Variants in ULK4 observed in about 807,000 individuals in gnomAD.
The protein encoded by ULK4 is inactive serine/threonine-protein kinase ULK4.
ULK4 carries 133 observed loss-of-function variants against 160.6 expected under a neutral mutation model. The ratio of observed to expected loss-of-function variants is 0.83; its 90% CI spans 0.72 to 0.96. The LOEUF (loss-of-function observed/expected upper bound fraction) is 0.96. ULK4 is among the 40% of genes least tolerant of loss of function. The pLI is 0.00. For synonymous variants in ULK4, 534 were observed against 539.8 expected, an observed-to-expected ratio of 0.99 and a Z score of 0.15; for missense variants, 1,580 against 1,499.5, an observed-to-expected ratio of 1.05 and a Z score of -0.89.
intron 22 of ULK4, among the ~76,000 whole-genome samples, chr3:41,752,488 C>A (rs1407211784): frequency 6.6e-6 from 1 of 152,070 alleles, no homozygotes; most frequent in Non-Finnish European, 1.5e-5. Flanking sequence ...CCAGTGATCC[C>A]TAAAAGATGA....
At chr3:41,901,172 C>CTTTTTT (rs201425733) in intron 12 of ULK4, among the ~76,000 whole-genome samples, 11 of 119,914 alleles carry the variant, frequency 9.2e-5, no homozygotes, top group East Asian at 8.9e-4. Context: ...AGCATGGCTT[C>CTTTTTT]TTTTTTTTTT....
At chr3:41,590,867 T>C (rs2031251220) in intron 31 of ULK4, among the ~76,000 whole-genome samples, 1 of 151,470 alleles carries the variant, frequency 6.6e-6, no homozygotes, top group Non-Finnish European at 1.5e-5. Flanking sequence ...TACATGTAAT[T>C]GAGGATAAAA....
At chr3:41,514,109 T>C (rs866078363) in intron 32 of ULK4, among the ~76,000 whole-genome samples, 1 of 152,234 alleles carries the variant, frequency 6.6e-6, no homozygotes, top group Non-Finnish European at 1.5e-5. Flanking sequence ...AAAATTATTT[T>C]TAATGGATTG....
intron 35 of ULK4, among the ~76,000 whole-genome samples, chr3:41,355,899 AAG>A (rs1342277178): frequency 3.3e-5 from 5 of 152,230 alleles, no homozygotes; most frequent in African/African-American, 1.2e-4. Context: ...GCTAAAGTGA[AAG>A]AGCTAGCTTA....
At chr3:41,440,902 T>C (rs1374924018) in intron 34 of ULK4, among the ~76,000 whole-genome samples, 2 of 152,108 alleles carry the variant, frequency 1.3e-5, no homozygotes, top group Non-Finnish European at 2.9e-5. Context: ...TTCCATTTCA[T>C]CTAAGTTCTT....
intron 30 of ULK4, among the ~76,000 whole-genome samples, chr3:41,617,234 CA>C (rs1462722498): frequency 1.3e-5 from 2 of 152,212 alleles, no homozygotes; most frequent in African/African-American, 4.8e-5. Flanking sequence ...ATGCTCTTGA[CA>C]AGACGGATTC....
rs566805860 is a variant in ULK4, at chr3:41,901,479, CT to C, written c.1183-651del. 3.5e-4 allele frequency among the ~76,000 whole-genome samples: 8 copies of C among 22,546 alleles called. 1 individual carries two copies. Among genetic ancestry groups the C allele is most frequent in the African/African-American group, 4.3e-4 (6 of 13,904 alleles). The allele number at this position is 22,546 out of a possible 152,430, so 14.8% of individuals were successfully genotyped here. A position where few individuals can be genotyped will look rare whatever the true frequency, so the allele number is the denominator to read the frequency against. On this transcript the variant is annotated intron_variant, in intron 12 of 36. Coordinates refer to ENST00000301831, the MANE Select transcript of ULK4 (RefSeq NM_017886.4). ...ACAGGCGTGAGCCACCACGCCCAGC[CT>C]TTTTTTTTTTTTTTTTTTGAGATAG...
chr3:41,781,026 G>C (rs73071337), intron 21 of ULK4, among the ~76,000 whole-genome samples: 18,820 of 151,876 alleles, frequency 0.12, 1,342 homozygotes, highest in Middle Eastern at 0.27. Flanking sequence ...GGCAGAAAGA[G>C]AGATTTATAG....
chr3:41,413,605 TA>T (rs2082457701), intron 34 of ULK4, among the ~76,000 whole-genome samples: 1 of 152,182 alleles, frequency 6.6e-6, no homozygotes, highest in Non-Finnish European at 1.5e-5. Flanking sequence ...TTCAAACCCT[TA>T]ACCAGAAAAT....
intron 20 of ULK4, 111 bp from the exon 21 acceptor site, chr3:41,789,954 T>G: frequency 1.0e-6 from 1 of 966,236 alleles, no homozygotes; most frequent in South Asian, 3.5e-5. Context: ...TACTTGGCTC[T>G]TTTATTACTT....
chr3:41,672,114 A>G (rs1158548659), intron 29 of ULK4, among the ~76,000 whole-genome samples: 1 of 152,172 alleles, frequency 6.6e-6, no homozygotes, highest in East Asian at 1.9e-4. Flanking sequence ...ATTCTTACGC[A>G]TTGTTGTGAG....
At chr3:41,702,963 C>T (rs2036733061) in intron 27 of ULK4, among the ~76,000 whole-genome samples, 1 of 151,148 alleles carries the variant, frequency 6.6e-6, no homozygotes, top group South Asian at 2.1e-4. Flanking sequence ...AAGCGACTCT[C>T]CTGCCCCAGC....
intron 32 of ULK4, among the ~76,000 whole-genome samples, chr3:41,481,378 T>C (rs1012583144): frequency 1.3e-5 from 2 of 152,190 alleles, no homozygotes; most frequent in Admixed American, 6.5e-5. Context: ...ACTGACTCCA[T>C]CTTGAATAGG....
At chr3:41,326,467 T>C (rs73831313) in intron 35 of ULK4, among the ~76,000 whole-genome samples, 3 of 147,098 alleles carry the variant, frequency 2.0e-5, no homozygotes, top group African/African-American at 5.1e-5. Flanking sequence ...TATATATATA[T>C]ATACATACAA....
At chr3:41,558,299 T>C (rs373911351) in intron 32 of ULK4, among the ~76,000 whole-genome samples, 36 of 152,272 alleles carry the variant, frequency 2.4e-4, no homozygotes, top group African/African-American at 8.4e-4. Context: ...TAAAGATCTC[T>C]ATGTACCAAA....
At chr3:41,256,145 T>C (rs933041607) in intron 35 of ULK4, among the ~76,000 whole-genome samples, 18 of 152,196 alleles carry the variant, frequency 1.2e-4, no homozygotes, top group African/African-American at 4.1e-4. Context: ...CTAATGAAAT[T>C]CCTATCAAAA....
rs143895932 is a variant in ULK4, at chr3:41,871,368, T to C, written c.1656+12506A>G. Among the ~76,000 whole-genome samples, 999 of 152,280 alleles carry C rather than the reference T, an allele frequency of 6.6e-3. 9 individuals are homozygous for C. Among genetic ancestry groups the C allele is most frequent in the African/African-American group, 0.023 (965 of 41,544 alleles). On this transcript the variant is annotated intron_variant, in intron 17 of 36. Transcript: ENST00000301831. The stretch of plus-strand genomic sequence containing the variant: ...AAAAAAGCTCAAAGTAAATATGTAA[T>C]ATGTATATTCATATGGATATGTAAT...
At chr3:41,452,905 C>G (rs1395373374) in intron 34 of ULK4, among the ~76,000 whole-genome samples, 2 of 152,058 alleles carry the variant, frequency 1.3e-5, no homozygotes, top group Non-Finnish European at 2.9e-5. Flanking sequence ...GAGACTATTC[C>G]CAAACATGGA....
chr3:41,410,262 A>G (rs1559579744), intron 34 of ULK4, among the ~76,000 whole-genome samples: 1 of 152,234 alleles, frequency 6.6e-6, no homozygotes, highest in Non-Finnish European at 1.5e-5. Context: ...ATAGCCAAAA[A>G]GTGAAAACAA....
Sources: gnomAD v4.1 joint callset for allele counts (sites outside exome capture counted in the v4.1 genomes callset) on GRCh38, gnomAD v4.1.1 for gene constraint, MANE v1.5 for transcripts, NCBI Gene and HGNC (gene_info 2026-07-23, HGNC 2026-07-21) for gene names.